The following COL21A1 variants were observed in gnomAD, a reference collection of about 807,000 sequenced individuals.
COL21A1 encodes collagen alpha-1(XXI) chain.
In COL21A1, 149 loss-of-function variants were observed where a neutral mutation model predicts 137.9. That is an observed-to-expected ratio of 1.08 (90% CI 0.95 to 1.24). COL21A1 has a LOEUF of 1.24. COL21A1 is among the 50% of genes most tolerant of loss of function. COL21A1 has a pLI of 0.00. For synonymous variants in COL21A1, 456 were observed against 391.5 expected (o/e 1.16, Z -1.95); for missense variants, 1,167 against 1,158.4 (o/e 1.01, Z -0.11).
intron 1 of COL21A1, among the ~76,000 whole-genome samples, chr6:56,364,058 C>T (rs1458915533): frequency 6.6e-6 from 1 of 152,184 alleles, no homozygotes; most frequent in East Asian, 1.9e-4. Context: ...ATTATGAGCA[C>T]AATGAGTGTT....
intron 1 of COL21A1, among the ~76,000 whole-genome samples, chr6:56,265,651 A>G (rs2152331511): frequency 6.6e-6 from 1 of 152,352 alleles, no homozygotes. Context: ...GTGACAGATC[A>G]TACCATCTTA....
At chr6:56,076,972 G>A (rs1374336286) in intron 18 of COL21A1, among the ~76,000 whole-genome samples, 1 of 151,172 alleles carries the variant, frequency 6.6e-6, no homozygotes, top group Non-Finnish European at 1.5e-5. Flanking sequence ...TACCTTAAAA[G>A]GTTCCAAAAG....
chr6:56,175,148 A>T (rs1004819215), intron 3 of COL21A1, among the ~76,000 whole-genome samples: 3 of 152,132 alleles, frequency 2.0e-5, no homozygotes, highest in Non-Finnish European at 4.4e-5. Context: ...CTACTTTAAC[A>T]TAATAAAGAC....
chr6:56,344,868 A>G (rs1765556380), intron 1 of COL21A1, among the ~76,000 whole-genome samples: 2 of 152,094 alleles, frequency 1.3e-5, no homozygotes, highest in East Asian at 1.9e-4. Context: ...CACCGTGATT[A>G]TAAGTTTCCT....
chr6:56,091,996 G>C (rs1768863967), intron 17 of COL21A1, among the ~76,000 whole-genome samples: 2 of 151,926 alleles, frequency 1.3e-5, no homozygotes, highest in Admixed American at 1.3e-4. Flanking sequence ...AAAATATTAA[G>C]TTAGGAAAAG....
chr6:56,329,757 A>G (rs1032290705), intron 1 of COL21A1, among the ~76,000 whole-genome samples: 2 of 152,108 alleles, frequency 1.3e-5, no homozygotes, highest in African/African-American at 2.4e-5. Context: ...TAGGTGTAGC[A>G]TGTAGTCTCC....
Position 56,057,717 on chromosome 6 carries a change from T to C in COL21A1, c.2814A>G (p.Pro938=). 1.9e-6 allele frequency: 3 copies of C among 1,613,174 alleles called. No individual in the cohort carries two copies. The highest frequency in any genetic ancestry group is 8.5e-7 in the Non-Finnish European group (1 of 1,179,562). Residue 938 remains proline, a synonymous_variant, in exon 30 of 30, where the codon CCA becomes CCG. Coordinates refer to ENST00000244728, the MANE Select transcript of COL21A1 (RefSeq NM_030820.4). The stretch of plus-strand genomic sequence containing the variant: ...TGGCAATTACACTAAAACATAGTGA[T>C]GGGTCGCAGATGCCTGGGGGGCCTG... The part of the protein sequence containing the change: ...GQPGPPGICD[P]SLCFSVIARR...
chr6:56,378,510 A>G (rs1562078660), intron 1 of COL21A1, among the ~76,000 whole-genome samples: 2 of 152,170 alleles, frequency 1.3e-5, no homozygotes, highest in Admixed American at 6.5e-5. Flanking sequence ...AGAGGAAGGA[A>G]GAATGGGAAG....
At chr6:56,251,999 C>A (rs142416687), upstream of COL21A1, among the ~76,000 whole-genome samples, 79 of 152,248 alleles carry the variant, frequency 5.2e-4, no homozygotes, top group East Asian at 0.014. Context: ...TCTAACTGTC[C>A]AAGACTCCAT....
In COL21A1 at chr6:56,266,546, C is replaced by A. The variant is rs569886376; in HGVS notation, c.-38-83890G>T. ...TACTACTTGGCATTTTACAGAAAAT[C>A]TTTACTGACTCCTGCTAGATGCAAT... On this transcript the variant is annotated intron_variant, in intron 1 of 28. Transcript: ENST00000370819. Among the ~76,000 whole-genome samples, 4 of 152,306 alleles carry A rather than the reference C, an allele frequency of 2.6e-5. No individual in the cohort carries two copies. In the South Asian group the frequency reaches 8.3e-4, roughly 32 times the overall value.
chr6:56,092,664 G>A (rs1768950515), intron 17 of COL21A1, among the ~76,000 whole-genome samples: 1 of 152,152 alleles, frequency 6.6e-6, no homozygotes, highest in African/African-American at 2.4e-5. Context: ...CAACACATAT[G>A]CTACCAACAG....
intron 1 of COL21A1, among the ~76,000 whole-genome samples, chr6:56,194,163 AT>A (rs1362222329): frequency 2.0e-5 from 3 of 152,324 alleles, no homozygotes; most frequent in African/African-American, 7.2e-5. Context: ...TCTACCAAAA[AT>A]ATCTCAGTAT....
chr6:56,311,496 G>A (rs1010308615), intron 1 of COL21A1, among the ~76,000 whole-genome samples: 11 of 152,188 alleles, frequency 7.2e-5, no homozygotes, highest in East Asian at 1.9e-4. Context: ...GGGTTGCACC[G>A]TGACAAAGTA....
intron 1 of COL21A1, among the ~76,000 whole-genome samples, chr6:56,295,558 T>C (rs1764145768): frequency 6.6e-6 from 1 of 152,038 alleles, no homozygotes; most frequent in Non-Finnish European, 1.5e-5. Context: ...ATATTGAGTC[T>C]TCCTTTCATT....
At chr6:56,385,807 T>C (rs1348863807) in intron 1 of COL21A1, among the ~76,000 whole-genome samples, 1 of 152,188 alleles carries the variant, frequency 6.6e-6, no homozygotes, top group African/African-American at 2.4e-5. Flanking sequence ...ATAAAAGGAA[T>C]TACACTATAT....
At chr6:56,380,592 T>C (rs752202392) in intron 1 of COL21A1, among the ~76,000 whole-genome samples, 22 of 152,220 alleles carry the variant, frequency 1.4e-4, no homozygotes, top group Non-Finnish European at 2.6e-4. Flanking sequence ...AAACATTTGT[T>C]AGCTGAGGTC....
At position 56,098,648 on chromosome 6, in the gene COL21A1, A is replaced by ATAT. The variant is rs1770070671; in HGVS notation, c.1812+2823_1812+2824insATA. ...ATAAATATATATATAAATATATATA[A>ATAT]ATATATAAATATATATAAATATATA... On this transcript the variant is annotated intron_variant, in intron 17 of 29. Transcript: ENST00000244728. Among the ~76,000 whole-genome samples the ATAT allele has an allele frequency of 1.8e-4, 2 of 11,382 alleles. 1 individual carries two copies. Among genetic ancestry groups the ATAT allele is most frequent in the Non-Finnish European group, 2.9e-4 (2 of 6,944 alleles). 7.5% of individuals were successfully genotyped at this position (11,382 alleles called of 152,430 possible).
chr6:56,097,418 T>A (rs999365801), intron 17 of COL21A1, among the ~76,000 whole-genome samples: 3 of 152,022 alleles, frequency 2.0e-5, no homozygotes, highest in Non-Finnish European at 4.4e-5. Flanking sequence ...TTGCTTATCC[T>A]TTTACCATCT....
chr6:56,309,531 T>C (rs903639634), intron 1 of COL21A1, among the ~76,000 whole-genome samples: 1 of 152,212 alleles, frequency 6.6e-6, no homozygotes, highest in Non-Finnish European at 1.5e-5. Context: ...ATGTCTTATG[T>C]TGAGCTCTAA....
Sources: gnomAD v4.1 joint callset for allele counts (sites outside exome capture counted in the v4.1 genomes callset) on GRCh38, gnomAD v4.1.1 for gene constraint, MANE v1.5 for transcripts, NCBI Gene and HGNC (gene_info 2026-07-23, HGNC 2026-07-21) for gene names.